Variants in GPR137C observed in about 807,000 individuals in gnomAD.
GPR137C encodes the protein G protein-coupled receptor 137C, also known as integral membrane protein GPR137C.
A neutral mutation model predicts 43.4 loss-of-function variants in GPR137C; 27 were observed. The ratio of observed to expected loss-of-function variants is 0.62; its 90% CI spans 0.46 to 0.86. GPR137C has a LOEUF of 0.86. Ranked by LOEUF, GPR137C falls within the 40% of genes least tolerant of loss-of-function variation. The pLI is 0.00. For missense variants in GPR137C, 522 were observed against 534.6 expected (o/e 0.98, Z 0.23); for synonymous variants, 285 against 226.9 (o/e 1.26, Z -2.30).
At chr14:52,598,450 G>A (rs2038883697) in intron 2 of GPR137C, 135 bp downstream of exon 2, 2 of 428,566 alleles carry the variant, frequency 4.7e-6, no homozygotes, top group Non-Finnish European at 8.5e-6. Context: ...TGGTTGTTGA[G>A]GGCACCTTCA....
intron 1 of GPR137C, among the ~76,000 whole-genome samples, chr14:52,586,706 C>G (rs1174255862): frequency 6.6e-6 from 1 of 152,188 alleles, no homozygotes; most frequent in Non-Finnish European, 1.5e-5. Context: ...GCTGTCACCT[C>G]TATAGGTGAC....
At chr14:52,586,190 T>G (rs1310122234) in intron 1 of GPR137C, among the ~76,000 whole-genome samples, 1 of 152,192 alleles carries the variant, frequency 6.6e-6, no homozygotes, top group African/African-American at 2.4e-5. Flanking sequence ...GACCTTAAAG[T>G]AAACACTATC....
At chr14:52,581,666 T>G (rs889272409) in intron 1 of GPR137C, among the ~76,000 whole-genome samples, 5 of 152,222 alleles carry the variant, frequency 3.3e-5, no homozygotes, top group African/African-American at 1.2e-4. Context: ...TGCGCTACTC[T>G]CTATAGGAAC....
intron 1 of GPR137C, among the ~76,000 whole-genome samples, chr14:52,556,870 A>C (rs1258059742): frequency 6.6e-6 from 1 of 152,050 alleles, no homozygotes. Flanking sequence ...TCTTCAACAT[A>C]TTGAAGTTCT....
At chr14:52,559,514 T>TA (rs2038247531) in intron 1 of GPR137C, among the ~76,000 whole-genome samples, 1 of 152,068 alleles carries the variant, frequency 6.6e-6, no homozygotes, top group Non-Finnish European at 1.5e-5. Context: ...GATGATTTTT[T>TA]AAAATTAACT....
intron 1 of GPR137C, among the ~76,000 whole-genome samples, chr14:52,562,023 C>T (rs1242852969): frequency 6.6e-6 from 1 of 152,086 alleles, no homozygotes; most frequent in Non-Finnish European, 1.5e-5. Context: ...CAATTTACTC[C>T]AAGAATAAAA....
chr14:52,564,058 G>A (rs942526836), intron 1 of GPR137C, among the ~76,000 whole-genome samples: 1 of 151,996 alleles, frequency 6.6e-6, no homozygotes, highest in African/African-American at 2.4e-5. Flanking sequence ...GGCAGATCAC[G>A]AGGTCAGCAG....
chr14:52,552,882 C>T lies in GPR137C; in HGVS notation c.-266C>T, dbSNP rs1428279039. Reference sequence around the variant, plus strand: ...ATGCTCGGGTTTCTCAGCTGATTGTCTCCAGCCGAGAGTTGTTTTTTGCAG... The same window carrying T: ...ATGCTCGGGTTTCTCAGCTGATTGTTTCCAGCCGAGAGTTGTTTTTTGCAG... On this transcript the variant is annotated 5_prime_UTR_variant, in exon 1 of 7. Transcript: ENST00000321662. Among the ~76,000 whole-genome samples the T allele has an allele frequency of 6.6e-6, 1 of 151,904 alleles. No homozygotes were observed. Among genetic ancestry groups the T allele is most frequent in the Non-Finnish European group, 1.5e-5 (1 of 67,940 alleles).
intron 1 of GPR137C, among the ~76,000 whole-genome samples, chr14:52,576,480 C>T (rs1443391147): frequency 6.6e-6 from 1 of 152,116 alleles, no homozygotes; most frequent in African/African-American, 2.4e-5. Context: ...TGGGTATATA[C>T]CCAGTAGTGG....
intron 1 of GPR137C, among the ~76,000 whole-genome samples, chr14:52,555,938 A>G (rs1295256495): frequency 6.6e-6 from 1 of 152,162 alleles, no homozygotes; most frequent in African/African-American, 2.4e-5. Context: ...TTAAGAGAGT[A>G]TTTTAGTTCA....
intron 3 of GPR137C, among the ~76,000 whole-genome samples, chr14:52,617,620 A>C (rs1319384439): frequency 6.6e-6 from 1 of 152,164 alleles, no homozygotes; most frequent in East Asian, 1.9e-4. Flanking sequence ...TGGAGTTTGC[A>C]GTGAGCCGAG....
chr14:52,614,484 TTTTTA>T (rs1421603736), intron 3 of GPR137C, among the ~76,000 whole-genome samples: 2 of 152,002 alleles, frequency 1.3e-5, no homozygotes, highest in East Asian at 1.9e-4. Flanking sequence ...CTTTTGACCA[TTTTTA>T]TTTTATTTTC....
chr14:52,615,041 A>G (rs1179520728), intron 3 of GPR137C, among the ~76,000 whole-genome samples: 1 of 152,204 alleles, frequency 6.6e-6, no homozygotes, highest in African/African-American at 2.4e-5. Context: ...GCCCAGACCA[A>G]TGTCTTGGAG....
intron 6 of GPR137C, among the ~76,000 whole-genome samples, chr14:52,634,728 T>G (rs990151543): frequency 9.2e-5 from 14 of 152,260 alleles, no homozygotes; most frequent in Middle Eastern, 3.4e-3. Context: ...TATTCATTCT[T>G]TTGTAACATA....
At chr14:52,587,993 T>C (rs1276343702) in intron 1 of GPR137C, among the ~76,000 whole-genome samples, 1 of 152,224 alleles carries the variant, frequency 6.6e-6, no homozygotes, top group Non-Finnish European at 1.5e-5. Flanking sequence ...GTAGATATTA[T>C]GAACTAGTCA....
At chr14:52,571,120 G>A (rs775103675) in intron 1 of GPR137C, among the ~76,000 whole-genome samples, 4 of 151,908 alleles carry the variant, frequency 2.6e-5, no homozygotes, top group Non-Finnish European at 4.4e-5. Context: ...GCAAAAGAAC[G>A]GAAATCATAA....
At chr14:52,599,321 A>G (rs1293023890) in intron 2 of GPR137C, among the ~76,000 whole-genome samples, 2 of 152,002 alleles carry the variant, frequency 1.3e-5, no homozygotes, top group African/African-American at 4.8e-5. Context: ...AGCTCTACAT[A>G]TACTGTCCCT....
At chr14:52,594,031 C>G (rs2038818370) in intron 1 of GPR137C, among the ~76,000 whole-genome samples, 1 of 152,140 alleles carries the variant, frequency 6.6e-6, no homozygotes, top group South Asian at 2.1e-4. Flanking sequence ...TACGATGTGT[C>G]TTTGTTCTCA....
intron 5 of GPR137C, 74 bp downstream of exon 5, chr14:52,633,729 T>C: frequency 6.4e-7 from 1 of 1,572,422 alleles, no homozygotes; most frequent in South Asian, 1.1e-5. Context: ...GATTTTCTAT[T>C]TTTGGCAAAG....
Sources: gnomAD v4.1 joint callset for allele counts (sites outside exome capture counted in the v4.1 genomes callset) on GRCh38, gnomAD v4.1.1 for gene constraint, MANE v1.5 for transcripts, NCBI Gene and HGNC (gene_info 2026-07-23, HGNC 2026-07-21) for gene names.